OR1J2: variants seen among roughly 807,000 people sequenced by gnomAD.
OR1J2 encodes olfactory receptor family 1 subfamily J member 2.
For missense variants in OR1J2, 304 were observed against 246.1 expected (o/e 1.24, Z -1.57); for synonymous variants, 142 against 99.7 (o/e 1.42, Z -2.52).
chr9:122,450,617 C>T, the OR1J2 span, among the ~76,000 whole-genome samples: 1 of 152,152 alleles, frequency 6.6e-6, no homozygotes, highest in South Asian at 2.1e-4. Flanking sequence ...AAAATCTACT[C>T]TTTCAGCCAT....
chr9:122,541,100 T>G, the OR1J2 span, among the ~76,000 whole-genome samples: 1 of 152,152 alleles, frequency 6.6e-6, no homozygotes, highest in Non-Finnish European at 1.5e-5. Flanking sequence ...TCCTCCTGCC[T>G]TTTGATTCAG....
the OR1J2 span, among the ~76,000 whole-genome samples, chr9:122,533,069 C>T: frequency 5.9e-5 from 9 of 151,854 alleles, no homozygotes; most frequent in East Asian, 9.7e-4. Flanking sequence ...CAAGTGAAAG[C>T]GAAGAGAGGC....
upstream of OR1J2, among the ~76,000 whole-genome samples, chr9:122,508,138 GAGGGA>G (rs1828562792): frequency 1.4e-5 from 2 of 145,608 alleles, no homozygotes; most frequent in Non-Finnish European, 3.0e-5. Context: ...GAGAGAGAGA[GAGGGA>G]GAGAGAGAGA....
At chr9:122,547,661 A>AGTGTG in the OR1J2 span, among the ~76,000 whole-genome samples, 6 of 135,964 alleles carry the variant, frequency 4.4e-5, no homozygotes, top group African/African-American at 1.6e-4. Context: ...GTGTGTGTAC[A>AGTGTG]TACACACTAC....
chr9:122,491,548 A>G, the OR1J2 span, among the ~76,000 whole-genome samples: 1 of 152,170 alleles, frequency 6.6e-6, no homozygotes, highest in Non-Finnish European at 1.5e-5. Context: ...TAAAGCCCCC[A>G]AAAGACATCA....
chr9:122,482,891 T>C, the OR1J2 span, among the ~76,000 whole-genome samples: 1 of 152,148 alleles, frequency 6.6e-6, no homozygotes, highest in Non-Finnish European at 1.5e-5. Flanking sequence ...AAGAAATTGG[T>C]CAACAGCTAC....
chr9:122,470,260 C>T, the OR1J2 span, among the ~76,000 whole-genome samples: 1 of 152,168 alleles, frequency 6.6e-6, no homozygotes, highest in Admixed American at 6.5e-5. Context: ...GACTTGGTGC[C>T]CTGTGTCCCA....
chr9:122,572,828 A>T, the OR1J2 span: 2 of 152,210 alleles, frequency 1.3e-5, no homozygotes, highest in South Asian at 4.1e-4. Context: ...CAAGAAGTGG[A>T]TCTTCTGCAC....
At chr9:122,503,242 G>A in the OR1J2 span, among the ~76,000 whole-genome samples, 1 of 152,216 alleles carries the variant, frequency 6.6e-6, no homozygotes, top group Non-Finnish European at 1.5e-5. Flanking sequence ...TCCAAAACAA[G>A]AGTATCTGAA....
chr9:122,503,463 C>G, the OR1J2 span, among the ~76,000 whole-genome samples: 1 of 152,180 alleles, frequency 6.6e-6, no homozygotes, highest in Non-Finnish European at 1.5e-5. Context: ...TCATGCATAG[C>G]CTCTACCTCC....
At chr9:122,552,491 G>A in the OR1J2 span, among the ~76,000 whole-genome samples, 1 of 152,166 alleles carries the variant, frequency 6.6e-6, no homozygotes, top group Admixed American at 6.5e-5. Flanking sequence ...GGATAAAGGA[G>A]AGGAAGTGAT....
Position 122,511,031 on chromosome 9 carries a change from C to T in OR1J2, c.230C>T (p.Thr77Ile), listed in dbSNP as rs774947810. 5 of 1,564,482 alleles carry T rather than the reference C, an allele frequency of 3.2e-6. No individual in the cohort carries two copies. Among genetic ancestry groups the T allele is most frequent in the Non-Finnish European group, 4.4e-6 (5 of 1,137,282 alleles). The change falls in exon 1 of 1, where the codon ACT (threonine) becomes ATT (isoleucine). Residue 77 changes from threonine to isoleucine, a missense_variant. Physicochemically the swap from Thr to Ile is moderately conservative, Grantham distance 89. Transcript: ENST00000335302. ...ALTDISFSSV[T>I]VPKMLMDMRT... is the part of the protein sequence containing the mutation. ...ACTGACATCTCCTTTTCATCTGTCA[C>T]TGTCCCTAAGATGCTGATGGACATG... is the stretch of plus-strand genomic sequence containing the variant.
chr9:122,503,137 T>C, the OR1J2 span, among the ~76,000 whole-genome samples: 3 of 152,200 alleles, frequency 2.0e-5, no homozygotes, highest in African/African-American at 7.2e-5. Flanking sequence ...TTGTACCACC[T>C]CCTTCACAAT....
upstream of OR1J2, among the ~76,000 whole-genome samples, chr9:122,505,938 G>A (rs1010521775): frequency 2.6e-5 from 4 of 151,632 alleles, no homozygotes; most frequent in African/African-American, 9.7e-5. Context: ...CCATACCTAA[G>A]TTTGTCAATG....
the OR1J2 span, among the ~76,000 whole-genome samples, chr9:122,518,565 C>G: frequency 1.3e-5 from 2 of 152,214 alleles, no homozygotes; most frequent in East Asian, 3.8e-4. Context: ...AAGCTCTCAC[C>G]TTTAAATATT....
the OR1J2 span, among the ~76,000 whole-genome samples, chr9:122,547,620 A>AGTGT: frequency 0.063 from 8,955 of 142,906 alleles, 413 homozygotes; most frequent in East Asian, 0.26. Context: ...GTAGTAGTTC[A>AGTGT]GTGTGTGTGT....
the OR1J2 span, among the ~76,000 whole-genome samples, chr9:122,541,292 C>A: frequency 6.6e-6 from 1 of 152,124 alleles, no homozygotes; most frequent in Non-Finnish European, 1.5e-5. Flanking sequence ...ATAGAGGAAA[C>A]AATCTGATCA....
downstream of OR1J2, among the ~76,000 whole-genome samples, chr9:122,514,753 C>G (rs1828677163): frequency 6.6e-6 from 1 of 152,204 alleles, no homozygotes; most frequent in South Asian, 2.1e-4. Flanking sequence ...CAACCTAACA[C>G]CTAACCAGGG....
At chr9:122,530,514 T>C in the OR1J2 span, among the ~76,000 whole-genome samples, 1 of 152,202 alleles carries the variant, frequency 6.6e-6, no homozygotes, top group Non-Finnish European at 1.5e-5. Context: ...TTTTCTTAGA[T>C]CAAATTAGTA....
Sources: allele counts gnomAD v4.1 joint callset (sites outside exome capture counted in the v4.1 genomes callset), GRCh38; gene constraint gnomAD v4.1.1; transcripts MANE v1.5; gene names NCBI Gene and HGNC (gene_info 2026-07-23, HGNC 2026-07-21).